The following PSD3 variants were observed in gnomAD, a reference collection of about 807,000 sequenced individuals.
PSD3 encodes the protein PH and SEC7 domain-containing protein 3.
A neutral mutation model predicts 105.5 loss-of-function variants in PSD3; 49 were observed. The ratio of observed to expected loss-of-function variants is 0.46; its 90% CI spans 0.37 to 0.59. PSD3 has a LOEUF of 0.59. PSD3 is among the 20% of genes least tolerant of loss of function. The pLI is 0.00. For synonymous variants in PSD3, 557 were observed against 457.8 expected, an observed-to-expected ratio of 1.22 and a Z score of -2.77; for missense variants, 1,561 against 1,263.8, an observed-to-expected ratio of 1.24 and a Z score of -3.57.
At chr8:18,541,954 T>C (rs964167198) in intron 15 of PSD3, among the ~76,000 whole-genome samples, 5 of 152,106 alleles carry the variant, frequency 3.3e-5, no homozygotes, top group African/African-American at 1.2e-4. Flanking sequence ...GGTTTCTCCA[T>C]GTTGGTCAGG....
rs533150852 is a variant in PSD3, at chr8:18,657,831, A to G, written c.2173-2146T>C. On this transcript the variant is annotated intron_variant, in intron 9 of 15. Coordinates refer to ENST00000327040, the MANE Select transcript of PSD3 (RefSeq NM_015310.4). ...TCTTTAGATGCTACTATCATACTCA[A>G]TATTACCCAGAGTAATTCAAAATGT... is the stretch of plus-strand genomic sequence containing the variant. Among the ~76,000 whole-genome samples the G allele has an allele frequency of 5.9e-5, 9 of 152,362 alleles. No individual in the cohort carries two copies. In the East Asian group the frequency reaches 1.7e-3, roughly 29 times the overall value.
intron 2 of PSD3, among the ~76,000 whole-genome samples, chr8:18,930,248 T>A (rs1821653004): frequency 1.3e-5 from 2 of 152,108 alleles, no homozygotes; most frequent in African/African-American, 4.8e-5. Flanking sequence ...TACCCACAGG[T>A]GAGATCTCAA....
At chr8:18,711,640 C>A (rs1292427870) in intron 9 of PSD3, among the ~76,000 whole-genome samples, 1 of 152,126 alleles carries the variant, frequency 6.6e-6, no homozygotes, top group Non-Finnish European at 1.5e-5. Context: ...AAGTTCTTAA[C>A]AGACCTACAA....
At chr8:19,047,218 G>A (rs1323524512) in intron 1 of PSD3, among the ~76,000 whole-genome samples, 1 of 152,170 alleles carries the variant, frequency 6.6e-6, no homozygotes, top group East Asian at 1.9e-4. Flanking sequence ...ACGCACTCCT[G>A]ATTTGCAAGC....
At chr8:18,635,123 C>A (rs983225650) in intron 10 of PSD3, among the ~76,000 whole-genome samples, 3 of 152,062 alleles carry the variant, frequency 2.0e-5, no homozygotes, top group African/African-American at 4.8e-5. Context: ...GCAGCTTTGG[C>A]CATTGGGAGT....
At chr8:19,057,512 C>T (rs1019536321) in intron 1 of PSD3, among the ~76,000 whole-genome samples, 2 of 152,188 alleles carry the variant, frequency 1.3e-5, no homozygotes, top group African/African-American at 2.4e-5. Flanking sequence ...ACTAGTTTGG[C>T]TATACCAGTT....
intron 1 of PSD3, among the ~76,000 whole-genome samples, chr8:19,009,500 A>G (rs963710529): frequency 2.0e-5 from 3 of 152,200 alleles, no homozygotes; most frequent in African/African-American, 7.2e-5. Flanking sequence ...ATGGGGAATA[A>G]GGGAGACAAC....
chr8:18,863,912 A>G (rs1289882181), intron 4 of PSD3, among the ~76,000 whole-genome samples: 2 of 152,194 alleles, frequency 1.3e-5, no homozygotes, highest in Admixed American at 6.5e-5. Flanking sequence ...CATTCCTGAG[A>G]GAAGGAACTA....
intron 11 of PSD3, among the ~76,000 whole-genome samples, chr8:18,607,998 C>T (rs1031219708): frequency 6.6e-6 from 1 of 152,140 alleles, no homozygotes; most frequent in East Asian, 1.9e-4. Flanking sequence ...TGGCCCCCAA[C>T]AATTAAATTA....
intron 3 of PSD3, among the ~76,000 whole-genome samples, chr8:18,871,308 C>T (rs950041739): frequency 3.3e-5 from 5 of 152,114 alleles, no homozygotes; most frequent in Non-Finnish European, 2.9e-5. Flanking sequence ...GTTACCTTGA[C>T]GTTGGGAAAC....
At chr8:18,727,551 AACACACACACACACAC>A (rs56410753) in intron 9 of PSD3, among the ~76,000 whole-genome samples, 44 of 137,712 alleles carry the variant, frequency 3.2e-4, no homozygotes, top group African/African-American at 1.1e-3. Flanking sequence ...AAAAAATCCA[AACACACACACACACAC>A]ACACACACAC....
At chr8:18,572,736 T>A (rs1802220491) in intron 13 of PSD3, 64 bp from the exon 14 acceptor site, 1 of 1,540,864 alleles carries the variant, frequency 6.5e-7, no homozygotes, top group African/African-American at 1.4e-5. Context: ...ACACTTTGCC[T>A]ATTTCACGTT....
intron 11 of PSD3, among the ~76,000 whole-genome samples, chr8:18,621,703 A>T (rs74699081): frequency 0.018 from 2,781 of 152,212 alleles, 70 homozygotes; most frequent in African/African-American, 0.062. Flanking sequence ...GCTCCGTTAC[A>T]CACCCTGCTG....
chr8:18,620,494 G>A (rs1806036057), intron 11 of PSD3, among the ~76,000 whole-genome samples: 1 of 152,038 alleles, frequency 6.6e-6, no homozygotes, highest in East Asian at 1.9e-4. Flanking sequence ...TGGATCACTT[G>A]AGCCCAGTAG....
At chr8:19,068,197 G>A (rs1829139471) in intron 1 of PSD3, among the ~76,000 whole-genome samples, 1 of 151,762 alleles carries the variant, frequency 6.6e-6, no homozygotes, top group Non-Finnish European at 1.5e-5. Context: ...GATCCTTAGC[G>A]ATGGTGGAAT....
chr8:18,712,340 A>T (rs1250008616), intron 9 of PSD3, among the ~76,000 whole-genome samples: 1 of 151,896 alleles, frequency 6.6e-6, no homozygotes, highest in Non-Finnish European at 1.5e-5. Flanking sequence ...AATGAATCCC[A>T]GAGCTGGTTT....
At chr8:18,973,594 T>C (rs1418681998) in intron 1 of PSD3, among the ~76,000 whole-genome samples, 1 of 152,152 alleles carries the variant, frequency 6.6e-6, no homozygotes, top group Non-Finnish European at 1.5e-5. Context: ...TACCTCCAAA[T>C]ACAGTCAGCA....
In PSD3 at chr8:18,580,327, G is replaced by A. The variant is rs1210535647; in HGVS notation, c.2482-5042C>T. Among the ~76,000 whole-genome samples, 3 of 152,206 alleles carry A rather than the reference G, an allele frequency of 2.0e-5. No homozygotes were observed. The East Asian group carries it at 5.8e-4, about 29-fold the overall frequency. On this transcript the variant is annotated intron_variant, in intron 12 of 15. Transcript: ENST00000327040. ...TGATTGCTGTCATCACAGTCTGGGA[G>A]GCCTTGAATCCTCAGTGGCTTCCTT...
At chr8:18,632,313 G>A (rs1007952642) in intron 11 of PSD3, among the ~76,000 whole-genome samples, 4 of 151,996 alleles carry the variant, frequency 2.6e-5, no homozygotes, top group African/African-American at 9.7e-5. Flanking sequence ...CTGTATTTCT[G>A]GTGGCTGGCA....
Sources: gnomAD v4.1 joint callset for allele counts (sites outside exome capture counted in the v4.1 genomes callset) on GRCh38, gnomAD v4.1.1 for gene constraint, MANE v1.5 for transcripts, NCBI Gene and HGNC (gene_info 2026-07-23, HGNC 2026-07-21) for gene names.